TPGS2: variants seen among roughly 807,000 people sequenced by gnomAD.
TPGS2 encodes the protein polyglutamylase subunit 2.
In TPGS2, 26 loss-of-function variants were observed where a neutral mutation model predicts 31.1. That is an observed-to-expected ratio of 0.84 (90% CI 0.61 to 1.16). The LOEUF (loss-of-function observed/expected upper bound fraction) is 1.16. Ranked by LOEUF, TPGS2 falls within the 50% of genes most tolerant of loss-of-function variation. The pLI is 0.00. For synonymous variants in TPGS2, 130 were observed against 136.6 expected (o/e 0.95, Z 0.34); for missense variants, 351 against 363.8 (o/e 0.96, Z 0.29).
chr18:36,787,213 TCAG>T lies in TPGS2; in HGVS notation c.658-4085_658-4083del, dbSNP rs931473282. 3 of 1,001,028 alleles carry T rather than the reference TCAG, an allele frequency of 3.0e-6. No homozygotes were observed. The African/African-American group carries it at 5.0e-5, about 17-fold the overall frequency. 62.0% of individuals were successfully genotyped at this position (1,001,028 alleles called of 1,614,324 possible). A position where few individuals can be genotyped will look rare whatever the true frequency, so the allele number is the denominator to read the frequency against. On this transcript the variant is annotated intron_variant, in intron 6 of 6. Transcript: ENST00000587129. ...ATAGGGGGCCTTGTGTTCCTCTGTG[TCAG>T]CAGCAGTTTTCCTGAACTATGAGAG...
At position 36,796,733 on chromosome 18, in the gene TPGS2, G is replaced by A; in HGVS notation, c.*72C>T. The A allele has an allele frequency of 6.6e-7, 1 of 1,524,848 alleles. No individual in the cohort carries two copies. The highest frequency in any genetic ancestry group is 2.4e-5 in the East Asian group (1 of 42,136). 94.5% of individuals were successfully genotyped at this position (1,524,848 alleles called of 1,614,324 possible). On this transcript the variant is annotated 3_prime_UTR_variant, in exon 7 of 7. Transcript: ENST00000334295. ...CCTACGGTCCACACGCAAAACTGGA[G>A]GTCACCCCTAGGGCCATCTGTGCAT...
In TPGS2 at chr18:36,828,991, C is replaced by T; in HGVS notation, c.-224G>A. 9.0e-7 allele frequency: 1 copy of T among 1,106,586 alleles called. No individual in the cohort carries two copies. The highest frequency in any genetic ancestry group is 1.7e-5 in the African/African-American group (1 of 59,658). 68.5% of individuals were successfully genotyped at this position (1,106,586 alleles called of 1,614,324 possible). ...CCCACACCGCACCTCCGGGACGTAG[C>T]TTCCCCTTCGCCCCCACCCTCTCGC... is the stretch of plus-strand genomic sequence containing the variant. On this transcript the variant is annotated 5_prime_UTR_variant, in exon 1 of 7. Transcript: ENST00000334295.
chr18:36,784,766 C>T (rs1191842492), intron 6 of TPGS2, among the ~76,000 whole-genome samples: 2 of 152,168 alleles, frequency 1.3e-5, no homozygotes, highest in Non-Finnish European at 1.5e-5. Context: ...TCTCCAATGA[C>T]AGAAGATAAG....
At chr18:36,818,850 G>T in intron 2 of TPGS2, 44 bp downstream of exon 2, 1 of 1,540,916 alleles carries the variant, frequency 6.5e-7, no homozygotes, top group South Asian at 1.1e-5. Context: ...CATTTACACT[G>T]ACCTCTCTTT....
chr18:36,813,912 G>A (rs1328785953), intron 2 of TPGS2, among the ~76,000 whole-genome samples: 7 of 152,126 alleles, frequency 4.6e-5, no homozygotes, highest in Admixed American at 1.3e-4. Flanking sequence ...ACATGGTGTC[G>A]CAGGATGATT....
chr18:36,805,583 C>G (rs1317545127), intron 3 of TPGS2, 81 bp from the exon 4 acceptor site: 35 of 1,581,702 alleles, frequency 2.2e-5, no homozygotes, highest in Non-Finnish European at 2.8e-5. Flanking sequence ...GCTTGAATAA[C>G]CTAAGCCCAG....
Position 36,805,378 on chromosome 18 carries a change from A to C in TPGS2, c.378T>G (p.His126Gln), listed in dbSNP as rs1316507590. The C allele has an allele frequency of 1.2e-6, 2 of 1,613,672 alleles. No homozygotes were observed. Among genetic ancestry groups the C allele is most frequent in the Non-Finnish European group, 1.7e-6 (2 of 1,179,776 alleles). ...PTLADLEDDT[H>Q]EASDDQPEKP... is the part of the protein sequence containing the mutation. The stretch of plus-strand genomic sequence containing the variant: ...CCAACCTTGGTATCTTCCTACCTTC[A>C]TGTGTATCGTCCTCCAGGTCTGCCA... The change falls in exon 4 of 7, where the codon CAT becomes CAG. Residue 126 changes from histidine to glutamine, a missense_variant. His to Gln is a conservative substitution (Grantham distance 24, BLOSUM62 0). Transcript: ENST00000334295.
rs73947027 is a variant in TPGS2 at position 36,811,215 on chromosome 18, C to G, written c.166-3281G>C. ...GGACATTCCATGAAGTGGAGGAAAA[C>G]CTGGATGAGCTGTGGAGGGATGGTG... On this transcript the variant is annotated intron_variant, in intron 2 of 6. Coordinates refer to ENST00000334295, the MANE Select transcript of TPGS2 (RefSeq NM_015476.4). Among the ~76,000 whole-genome samples, 389 of 152,312 alleles carry G rather than the reference C, an allele frequency of 2.6e-3. 3 individuals are homozygous for G. The highest frequency in any genetic ancestry group is 8.9e-3 in the African/African-American group (371 of 41,574).
At chr18:36,780,642 A>G (rs931358648), downstream of TPGS2, among the ~76,000 whole-genome samples, 1 of 152,242 alleles carries the variant, frequency 6.6e-6, no homozygotes, top group African/African-American at 2.4e-5. Flanking sequence ...CCTAGGCTAT[A>G]TGATACAGTC....
chr18:36,795,339 G>C lies in TPGS2; in HGVS notation c.*1466C>G. The C allele has an allele frequency of 1.0e-6, 1 of 985,552 alleles. No homozygotes were observed. The highest frequency in any genetic ancestry group is 1.2e-6 in the Non-Finnish European group (1 of 830,046). 61.1% of individuals were successfully genotyped at this position (985,552 alleles called of 1,614,324 possible). On this transcript the variant is annotated 3_prime_UTR_variant, in exon 7 of 7. Coordinates refer to ENST00000334295, the MANE Select transcript of TPGS2 (RefSeq NM_015476.4). ...AAGTCTGGCCAATCACCGGGGTAGA[G>C]AGAAGTCAGGAAAGAGAATGAGCCA... is the stretch of plus-strand genomic sequence containing the variant.
Position 36,794,715 on chromosome 18 carries a change from T to C in TPGS2, c.*2090A>G. Reference sequence around the variant, plus strand: ...TCAACAACTTGGTCTCTCTATATCCTTTTCTGCCACTCCATGAATTGTTGC... The same window carrying C: ...TCAACAACTTGGTCTCTCTATATCCCTTTCTGCCACTCCATGAATTGTTGC... On this transcript the variant is annotated 3_prime_UTR_variant, in exon 7 of 7. Transcript: ENST00000334295. 2.0e-6 allele frequency: 2 copies of C among 985,374 alleles called. No individual in the cohort carries two copies. Among genetic ancestry groups the C allele is most frequent in the Non-Finnish European group, 2.4e-6 (2 of 829,936 alleles). 61.0% of individuals were successfully genotyped at this position (985,374 alleles called of 1,614,324 possible). A position where few individuals can be genotyped will look rare whatever the true frequency, so the allele number is the denominator to read the frequency against.
intron 2 of TPGS2, among the ~76,000 whole-genome samples, chr18:36,816,013 T>C (rs2045638046): frequency 6.6e-6 from 1 of 152,164 alleles, no homozygotes; most frequent in African/African-American, 2.4e-5. Context: ...AGATTTGGCA[T>C]ATTTGAACTT....
At position 36,794,929 on chromosome 18, in the gene TPGS2, AAAGGT is replaced by A; in HGVS notation, c.*1871_*1875del. The A allele has an allele frequency of 1.0e-6, 1 of 985,150 alleles. No homozygotes were observed. Among genetic ancestry groups the A allele is most frequent in the Non-Finnish European group, 1.2e-6 (1 of 829,996 alleles). 61.0% of individuals were successfully genotyped at this position (985,150 alleles called of 1,614,324 possible). ...TATAAGTGGTTAGTTTTGGGATTGAAAAGGTAAGAGGTCTCGCTATTTTAAAGCAA... is the reference window on the plus strand; with the variant it reads ...TATAAGTGGTTAGTTTTGGGATTGAAAAGAGGTCTCGCTATTTTAAAGCAA... On this transcript the variant is annotated 3_prime_UTR_variant, in exon 7 of 7. Transcript: ENST00000334295.
downstream of TPGS2, chr18:36,782,948 T>C (rs752063983): frequency 2.3e-5 from 9 of 396,218 alleles, no homozygotes; most frequent in Non-Finnish European, 4.0e-5. Context: ...GCCAGCTCAG[T>C]GGCAGGACAG....
At chr18:36,792,027 C>CA (rs754114446), downstream of TPGS2, among the ~76,000 whole-genome samples, 22,316 of 83,704 alleles carry the variant, frequency 0.27, 2,283 homozygotes, top group Middle Eastern at 0.32. Context: ...GACCCTGTCT[C>CA]AAAAAAAAAA....
chr18:36,816,247 G>GT, intron 2 of TPGS2, among the ~76,000 whole-genome samples: 1 of 152,218 alleles, frequency 6.6e-6, no homozygotes, highest in South Asian at 2.1e-4. Context: ...ATTTCCCTAA[G>GT]TGTCAGTCTA....
intron 1 of TPGS2, among the ~76,000 whole-genome samples, chr18:36,825,134 CAA>C (rs1340806430): frequency 6.6e-6 from 1 of 152,024 alleles, no homozygotes; most frequent in Admixed American, 6.6e-5. Flanking sequence ...ACATATTTGT[CAA>C]AAATCAATGA....
intron 1 of TPGS2, among the ~76,000 whole-genome samples, chr18:36,827,015 GTATTA>G (rs575571610): frequency 6.6e-6 from 1 of 151,728 alleles, no homozygotes; most frequent in Non-Finnish European, 1.5e-5. Flanking sequence ...TTAGTAAGTT[GTATTA>G]TATTAATTGA....
chr18:36,828,839 T>C lies in TPGS2; in HGVS notation c.-72A>G. On this transcript the variant is annotated 5_prime_UTR_variant, in exon 1 of 7. Coordinates refer to ENST00000334295, the MANE Select transcript of TPGS2 (RefSeq NM_015476.4). ...GACCCCGCCTCAGCGCCGAGGCCAA[T>C]TTCATGGCATGCCGGGAACGGTAGT... 4 of 1,550,112 alleles carry C rather than the reference T, an allele frequency of 2.6e-6. No individual in the cohort carries two copies. The highest frequency in any genetic ancestry group is 3.5e-6 in the Non-Finnish European group (4 of 1,133,436).
Sources: allele counts gnomAD v4.1 joint callset (sites outside exome capture counted in the v4.1 genomes callset), GRCh38; gene constraint gnomAD v4.1.1; transcripts MANE v1.5; gene names NCBI Gene and HGNC (gene_info 2026-07-23, HGNC 2026-07-21).